UQCRC2: variants seen among roughly 807,000 people sequenced by gnomAD.
The protein encoded by UQCRC2 is cytochrome b-c1 complex subunit 2, mitochondrial.
A neutral mutation model predicts 55.6 loss-of-function variants in UQCRC2; 49 were observed. That is an observed-to-expected ratio of 0.88 (90% CI 0.70 to 1.12). UQCRC2 has a LOEUF of 1.12. Among genes scored for constraint, UQCRC2 ranks in the 50% most tolerant of loss-of-function variants. The pLI, the probability that UQCRC2 is intolerant of heterozygous loss-of-function variation, is 0.00. For missense variants in UQCRC2, 506 were observed against 547.8 expected (o/e 0.92, Z 0.76); for synonymous variants, 193 against 192.0 (o/e 1.01, Z -0.04).
intron 5 of UQCRC2, 114 bp from the exon 6 acceptor site, chr16:21,962,645 AAC>A (rs1371431554): frequency 1.9e-6 from 3 of 1,591,632 alleles, no homozygotes; most frequent in Non-Finnish European, 2.6e-6. Flanking sequence ...ACTGCTCAAA[AAC>A]ACTGCTTACC....
chr16:21,968,528 C>G, intron 7 of UQCRC2, 100 bp from the exon 8 acceptor site: 2 of 1,035,062 alleles, frequency 1.9e-6, no homozygotes, highest in African/African-American at 1.6e-5. Context: ...ACTTATAAGG[C>G]CTTATAAGTA....
chr16:21,982,678 A>G (rs1898761024), intron 13 of UQCRC2, among the ~76,000 whole-genome samples: 1 of 152,192 alleles, frequency 6.6e-6, no homozygotes, highest in Non-Finnish European at 1.5e-5. Flanking sequence ...AGAATGTCCT[A>G]TCGAAGGCCA....
At chr16:21,968,798 T>A in intron 8 of UQCRC2, 113 bp downstream of exon 8, 1 of 833,988 alleles carries the variant, frequency 1.2e-6, no homozygotes, top group Non-Finnish European at 1.8e-6. Context: ...GCCTTCTATT[T>A]ATGTCAGACA....
Position 21,983,163 on chromosome 16 carries a change from G to T in UQCRC2, c.1354G>T (p.Glu452Ter). 1.2e-6 allele frequency: 2 copies of T among 1,613,946 alleles called. No homozygotes were observed. The highest frequency in any genetic ancestry group is 1.7e-6 in the Non-Finnish European group (2 of 1,179,918). The part of the protein sequence containing the change: ...GNLGHTPFVD[E>*]L ...TTTGGGACATACACCTTTTGTTGAT[G>T]AGTTGTAATACTGATGCACACATTA... Residue 452 changes from glutamate to a stop codon, truncating the protein, a stop_gained, in exon 14 of 14, where the codon GAG (glutamate) becomes TAG (stop). Transcript: ENST00000268379. LOFTEE classifies it high-confidence loss of function.
intron 4 of UQCRC2, among the ~76,000 whole-genome samples, chr16:21,960,411 C>T (rs967290263): frequency 6.6e-6 from 1 of 152,198 alleles, no homozygotes; most frequent in Non-Finnish European, 1.5e-5. Context: ...TAGGGCATTG[C>T]TCTGGATTAA....
intron 4 of UQCRC2, among the ~76,000 whole-genome samples, chr16:21,962,024 C>CT (rs1898217077): frequency 6.6e-6 from 1 of 152,088 alleles, no homozygotes; most frequent in Non-Finnish European, 1.5e-5. Flanking sequence ...AGCTCCGGAA[C>CT]TTTTCTATCT....
At chr16:21,975,555 A>G (rs1898562032) in intron 11 of UQCRC2, among the ~76,000 whole-genome samples, 1 of 152,136 alleles carries the variant, frequency 6.6e-6, no homozygotes, top group Non-Finnish European at 1.5e-5. Flanking sequence ...TATTCAACAA[A>G]TATTTACCAA....
intron 4 of UQCRC2, among the ~76,000 whole-genome samples, chr16:21,958,813 G>T (rs1017210286): frequency 1.3e-5 from 2 of 152,012 alleles, no homozygotes; most frequent in African/African-American, 4.8e-5. Context: ...CAATATATAG[G>T]CATACCTCAG....
At chr16:21,978,474 TA>T (rs1898637504) in intron 12 of UQCRC2, among the ~76,000 whole-genome samples, 1 of 152,194 alleles carries the variant, frequency 6.6e-6, no homozygotes. Flanking sequence ...TTTGTGCCCA[TA>T]TTTAAGCTGC....
In UQCRC2 at chr16:21,953,464, C is replaced by G; in HGVS notation, c.33+8C>G. On this transcript the variant is annotated splice_region_variant and intron_variant, in intron 1 of 13. Transcript: ENST00000268379. ...AGAGCCGGCTCTTTCTCGGTGAGCT[C>G]AGGTGGCGGGTTTGGGAAAGGGCTG... The G allele has an allele frequency of 1.9e-6, 3 of 1,612,384 alleles. No homozygotes were observed. The highest frequency in any genetic ancestry group is 2.5e-6 in the Non-Finnish European group (3 of 1,179,304).
At chr16:21,953,705 T>C (rs1898048989) in intron 1 of UQCRC2, among the ~76,000 whole-genome samples, 1 of 151,854 alleles carries the variant, frequency 6.6e-6, no homozygotes, top group Admixed American at 6.6e-5. Context: ...TTGAAGCGAG[T>C]CCTTGGAGAG....
intron 12 of UQCRC2, 173 bp from the exon 13 acceptor site, chr16:21,980,374 G>A (rs926000797): frequency 1.4e-5 from 10 of 700,806 alleles, no homozygotes; most frequent in Non-Finnish European, 2.3e-5. Flanking sequence ...TACTGTTTTA[G>A]TATGTTCCAG....
At chr16:21,955,908 C>T (rs994302393) in intron 1 of UQCRC2, among the ~76,000 whole-genome samples, 12 of 152,172 alleles carry the variant, frequency 7.9e-5, no homozygotes, top group African/African-American at 2.9e-4. Flanking sequence ...TCACTGCAAC[C>T]TCCGCCTCCC....
chr16:21,954,401 A>G (rs958713801), intron 1 of UQCRC2, among the ~76,000 whole-genome samples: 1 of 152,222 alleles, frequency 6.6e-6, no homozygotes, highest in Non-Finnish European at 1.5e-5. Context: ...TTATGTTTAC[A>G]TAAATGTGCT....
intron 4 of UQCRC2, chr16:21,962,189 C>T: frequency 2.4e-6 from 1 of 415,890 alleles, no homozygotes; most frequent in Non-Finnish European, 4.4e-6. Context: ...CCCTTTGTGA[C>T]TGGCTTATTA....
intron 1 of UQCRC2, 84 bp from the exon 2 acceptor site, chr16:21,957,151 G>A (rs747377062): frequency 6.8e-5 from 92 of 1,351,244 alleles, no homozygotes; most frequent in Middle Eastern, 5.1e-4. Flanking sequence ...ACCCTCTGTC[G>A]CTTGGGTACC....
rs1185526006 is a variant in UQCRC2 at position 21,958,516 on chromosome 16, T to C, written c.268-19T>C. 5 of 1,610,390 alleles carry C rather than the reference T, an allele frequency of 3.1e-6. No individual in the cohort carries two copies. The highest frequency in any genetic ancestry group is 4.2e-6 in the Non-Finnish European group (5 of 1,178,064). ...TGGCATTGAAAAGCTACAAAGATAA[T>C]CATTCTTTCTTTTTCAAGACGACAA... On this transcript the variant is annotated intron_variant, in intron 3 of 13. Coordinates refer to ENST00000268379, the MANE Select transcript of UQCRC2 (RefSeq NM_003366.4).
rs1218491706 is a variant in UQCRC2 at position 21,980,493 on chromosome 16, A to G, written c.1125-54A>G. The G allele has an allele frequency of 6.3e-6, 10 of 1,584,872 alleles. No individual in the cohort carries two copies. The East Asian group carries it at 2.2e-4, about 36-fold the overall frequency. On this transcript the variant is annotated intron_variant, in intron 12 of 13. Coordinates refer to ENST00000268379, the MANE Select transcript of UQCRC2 (RefSeq NM_003366.4). ...CACAGCCCCCCGCCACCACTCAGAA[A>G]AAAAAAATAATTGCCTTGCTCTCTA...
rs1162225412 is a variant in UQCRC2, at chr16:21,965,399, A to G, written c.515-9A>G. 2 of 1,613,306 alleles carry G rather than the reference A, an allele frequency of 1.2e-6. No homozygotes were observed. The highest frequency in any genetic ancestry group is 1.7e-6 in the Non-Finnish European group (2 of 1,179,430). On this transcript the variant is annotated splice_polypyrimidine_tract_variant and intron_variant, in intron 6 of 13. Transcript: ENST00000268379. Reference sequence around the variant, plus strand: ...CATTTCCCTAAATGCTTCTTCACTTATCTCACAGATGTCATTGAAAATTTG... The same window carrying G: ...CATTTCCCTAAATGCTTCTTCACTTGTCTCACAGATGTCATTGAAAATTTG...
Sources: allele counts gnomAD v4.1 joint callset (sites outside exome capture counted in the v4.1 genomes callset), GRCh38; gene constraint gnomAD v4.1.1; transcripts MANE v1.5; gene names NCBI Gene and HGNC (gene_info 2026-07-23, HGNC 2026-07-21).